The following TXNRD2 variants were observed in gnomAD, a reference collection of about 807,000 sequenced individuals.
The protein encoded by TXNRD2 is thioredoxin reductase 2.
A neutral mutation model predicts 70.8 loss-of-function variants in TXNRD2; 67 were observed. That is an observed-to-expected ratio of 0.95 (90% confidence interval 0.78 to 1.16). The LOEUF (loss-of-function observed/expected upper bound fraction) is 1.16. Among genes scored for constraint, TXNRD2 ranks in the 50% most tolerant of loss-of-function variants. TXNRD2 has a pLI of 0.00. For synonymous variants in TXNRD2, 301 were observed against 295.8 expected (o/e 1.02, Z -0.18); for missense variants, 644 against 719.9 (o/e 0.89, Z 1.21).
intron 10 of TXNRD2, 56 bp downstream of exon 10, chr22:19,897,982 GC>G: frequency 7.1e-7 from 1 of 1,416,390 alleles, no homozygotes; most frequent in Non-Finnish European, 9.7e-7. Flanking sequence ...CTGGGAGGGG[GC>G]TGTGGGAGGA....
intron 8 of TXNRD2, among the ~76,000 whole-genome samples, chr22:19,900,201 C>G (rs141052528): frequency 9.8e-5 from 15 of 152,292 alleles, no homozygotes; most frequent in Middle Eastern, 3.4e-3. Context: ...TTACATGCCT[C>G]ACTCAGCATG....
rs1235476817 is a variant in TXNRD2, at chr22:19,899,074, A to G, written c.663-6T>C. 1.2e-6 allele frequency: 2 copies of G among 1,607,288 alleles called. No individual in the cohort carries two copies. The highest frequency in any genetic ancestry group is 1.7e-6 in the Non-Finnish European group (2 of 1,179,922). Reference sequence around the variant, plus strand: ...AGCTGGCCCCGACCACCAACCTGTTAGAGAAACAGAGAGAGAGCACATGTA... The same window carrying G: ...AGCTGGCCCCGACCACCAACCTGTTGGAGAAACAGAGAGAGAGCACATGTA... On this transcript the variant is annotated splice_region_variant and splice_polypyrimidine_tract_variant and intron_variant, in intron 8 of 17. Coordinates refer to ENST00000400521, the MANE Select transcript of TXNRD2 (RefSeq NM_006440.5).
At chr22:19,930,921 C>T in intron 2 of TXNRD2, 109 bp downstream of exon 2, 1 of 980,640 alleles carries the variant, frequency 1.0e-6, no homozygotes, top group South Asian at 1.3e-5. Context: ...GGGGTGACCC[C>T]AGCAGGGAGG....
At chr22:19,877,279 G>A (rs540367420) in intron 16 of TXNRD2, 45 bp from the exon 17 acceptor site, 22 of 1,548,972 alleles carry the variant, frequency 1.4e-5, no homozygotes, top group Non-Finnish European at 2.0e-5. Flanking sequence ...AGCACAGGGA[G>A]GGGGGTCCAC....
chr22:19,884,854 C>A (rs1938950656), intron 11 of TXNRD2, among the ~76,000 whole-genome samples: 1 of 152,222 alleles, frequency 6.6e-6, no homozygotes, highest in Non-Finnish European at 1.5e-5. Flanking sequence ...GGTCTCCCAC[C>A]TGCTCTGTGC....
rs767878935 is a variant in TXNRD2, at chr22:19,918,935, G to T, written c.299C>A (p.Ala100Glu). 2.3e-5 allele frequency: 37 copies of T among 1,612,658 alleles called. No individual in the cohort carries two copies. The highest frequency in any genetic ancestry group is 3.0e-5 in the Non-Finnish European group (35 of 1,179,936). ...TTGGATCAGGCCTCCCAGCAGTGCCGCCTGGTGCATCAGCTTCTTGGGGAT... is the reference window on the plus strand; with the variant it reads ...TTGGATCAGGCCTCCCAGCAGTGCCTCCTGGTGCATCAGCTTCTTGGGGAT... ...GCIPKKLMHQ[A>E]ALLGGLIQDA... The change falls in exon 4 of 18, where the codon GCG becomes GAG. Residue 100 changes from alanine to glutamate, a missense_variant. Physicochemically the swap from Ala to Glu is moderately radical, Grantham distance 107. Transcript: ENST00000400521.
chr22:19,907,243 GGA>G (rs1220184805), intron 8 of TXNRD2, among the ~76,000 whole-genome samples: 3 of 71,552 alleles, frequency 4.2e-5, no homozygotes, highest in African/African-American at 1.7e-4. Context: ...ACCGCTCTCA[GGA>G]GAGTGTGGGC....
chr22:19,876,414 G>A (rs1938508614), intron 17 of TXNRD2: 2 of 152,320 alleles, frequency 1.3e-5, no homozygotes, highest in African/African-American at 4.8e-5. Flanking sequence ...GAGGCGAGGG[G>A]GCTCTGGCAC....
intron 9 of TXNRD2, 133 bp from the exon 10 acceptor site, chr22:19,898,263 C>T: frequency 1.2e-6 from 1 of 802,830 alleles, no homozygotes; most frequent in Non-Finnish European, 2.1e-6. Context: ...CAACTCAAGA[C>T]CCCCACCTCC....
chr22:19,876,942 T>G (rs947977035), intron 17 of TXNRD2, 98 bp downstream of exon 17: 4 of 828,548 alleles, frequency 4.8e-6, no homozygotes. Flanking sequence ...GCGTGGCAGG[T>G]GTAGCCTTGC....
At chr22:19,914,333 A>G (rs1940539618) in intron 7 of TXNRD2, among the ~76,000 whole-genome samples, 1 of 152,252 alleles carries the variant, frequency 6.6e-6, no homozygotes. Context: ...ATAGCTAAAA[A>G]GTGGAAATAA....
intron 11 of TXNRD2, among the ~76,000 whole-genome samples, chr22:19,886,064 G>A (rs1939015834): frequency 6.6e-6 from 1 of 152,236 alleles, no homozygotes. Context: ...AGGGGAGAGT[G>A]GGCTGCGCGG....
At chr22:19,875,900 G>A (rs959666451) in intron 17 of TXNRD2, 93 bp from the exon 18 acceptor site, 1 of 152,258 alleles carries the variant, frequency 6.6e-6, no homozygotes, top group African/African-American at 2.4e-5. Context: ...GGACCCCCAA[G>A]GGAGATGGGT....
chr22:19,925,201 G>A (rs1046798151), intron 2 of TXNRD2, among the ~76,000 whole-genome samples: 12 of 151,846 alleles, frequency 7.9e-5, no homozygotes, highest in Middle Eastern at 3.4e-3. Context: ...GGAGAATGGC[G>A]CAAACCCGGG....
At chr22:19,893,217 G>A (rs1939342626) in intron 11 of TXNRD2, among the ~76,000 whole-genome samples, 1 of 152,310 alleles carries the variant, frequency 6.6e-6, no homozygotes, top group African/African-American at 2.4e-5. Flanking sequence ...TGATGGAGGT[G>A]GAGGCAGGTG....
chr22:19,907,225 T>G (rs1240427855), intron 8 of TXNRD2, among the ~76,000 whole-genome samples: 5 of 67,898 alleles, frequency 7.4e-5, no homozygotes, highest in Admixed American at 4.7e-4. Flanking sequence ...GCGCCGTGAG[T>G]AGCAGTGACC....
intron 2 of TXNRD2, among the ~76,000 whole-genome samples, chr22:19,921,213 G>C (rs1940902047): frequency 6.6e-6 from 1 of 151,666 alleles, no homozygotes; most frequent in Admixed American, 6.6e-5. Context: ...CCAGGAGTTT[G>C]AGACCAGCCT....
Position 19,889,383 on chromosome 22 carries a change from C to T in TXNRD2, c.950-5922G>A, listed in dbSNP as rs540901871. ...ATCCCAACACTTTGGGAGGCTGAGG[C>T]GGGCGGATCATGACGTCAGGAGTTC... On this transcript the variant is annotated intron_variant, in intron 11 of 17. Transcript: ENST00000400521. Among the ~76,000 whole-genome samples, 255 of 152,220 alleles carry T rather than the reference C, an allele frequency of 1.7e-3. 2 individuals are homozygous for T. Among genetic ancestry groups the T allele is most frequent in the African/African-American group, 5.7e-3 (237 of 41,546 alleles).
chr22:19,931,209 A>G, intron 1 of TXNRD2, 111 bp from the exon 2 acceptor site: 3 of 912,228 alleles, frequency 3.3e-6, no homozygotes, highest in Non-Finnish European at 5.3e-6. Flanking sequence ...GGGTGACAAG[A>G]CACCACACAA....
Sources: allele counts gnomAD v4.1 joint callset (sites outside exome capture counted in the v4.1 genomes callset), GRCh38; gene constraint gnomAD v4.1.1; transcripts MANE v1.5; gene names NCBI Gene and HGNC (gene_info 2026-07-23, HGNC 2026-07-21).